CMTM8: variants seen among roughly 807,000 people sequenced by gnomAD.
CMTM8 encodes CKLF-like MARVEL transmembrane domain-containing protein 8.
Under a neutral mutation model 18.6 loss-of-function variants are expected in CMTM8, and 12 were observed. The ratio of observed to expected loss-of-function variants is 0.65; its 90% CI spans 0.41 to 1.05. The LOEUF is 1.05. Among genes scored for constraint, CMTM8 ranks in the 50% least tolerant of loss-of-function variants. The pLI, the probability that CMTM8 is intolerant of heterozygous loss-of-function variation, is 0.00. For missense variants in CMTM8, 217 were observed against 227.2 expected (o/e 0.95, Z 0.29); for synonymous variants, 87 against 90.6 (o/e 0.96, Z 0.23).
chr3:32,309,019 G>A (rs1315005208), intron 1 of CMTM8, among the ~76,000 whole-genome samples: 1 of 152,164 alleles, frequency 6.6e-6, no homozygotes. Flanking sequence ...TATGAGGTTG[G>A]GAGAATCAGG....
intron 1 of CMTM8, chr3:32,259,219 T>G: frequency 1.8e-6 from 1 of 550,978 alleles, no homozygotes; most frequent in Non-Finnish European, 3.4e-6. Flanking sequence ...CCTGAACGAC[T>G]GCCTGGCCTC....
intron 1 of CMTM8, among the ~76,000 whole-genome samples, chr3:32,315,192 C>T (rs558374739): frequency 8.6e-5 from 13 of 151,360 alleles, no homozygotes; most frequent in Admixed American, 3.3e-4. Flanking sequence ...TGCAGTGGCA[C>T]GATCTCAGCT....
chr3:32,267,294 C>T (rs550135470), intron 1 of CMTM8, among the ~76,000 whole-genome samples: 1 of 152,064 alleles, frequency 6.6e-6, no homozygotes, highest in Non-Finnish European at 1.5e-5. Context: ...AGAAATAATG[C>T]CACACATCTA....
chr3:32,354,901 T>C (rs1200192255), intron 1 of CMTM8, among the ~76,000 whole-genome samples: 1 of 152,242 alleles, frequency 6.6e-6, no homozygotes, highest in Non-Finnish European at 1.5e-5. Context: ...TTTCTGGAAT[T>C]ATATCCCATT....
intron 1 of CMTM8, among the ~76,000 whole-genome samples, chr3:32,341,706 CT>C (rs906100133): frequency 2.4e-4 from 35 of 146,800 alleles, no homozygotes; most frequent in African/African-American, 8.3e-4. Flanking sequence ...GCGAAACCCC[CT>C]CTCTAATAAA....
chr3:32,313,708 G>A (rs945616179), intron 1 of CMTM8, among the ~76,000 whole-genome samples: 6 of 152,278 alleles, frequency 3.9e-5, no homozygotes, highest in East Asian at 1.9e-4. Context: ...TCTGGAATCC[G>A]TGTTTAGCAA....
chr3:32,259,502 A>G (rs182357608), intron 1 of CMTM8: 3 of 780,350 alleles, frequency 3.8e-6, no homozygotes, highest in South Asian at 1.3e-5. Flanking sequence ...CTTCAAGGTC[A>G]TTGATGACAC....
intron 1 of CMTM8, among the ~76,000 whole-genome samples, chr3:32,318,780 G>C (rs1347715230): frequency 6.6e-6 from 1 of 150,664 alleles, no homozygotes; most frequent in Non-Finnish European, 1.5e-5. Flanking sequence ...TGTTAGCCAG[G>C]ATGGTCTCGA....
intron 1 of CMTM8, among the ~76,000 whole-genome samples, chr3:32,350,087 C>T (rs148419475): frequency 6.8e-4 from 103 of 152,242 alleles, no homozygotes; most frequent in Non-Finnish European, 1.2e-3. Flanking sequence ...TAAACTTTCA[C>T]ACTAATGACA....
chr3:32,368,067 C>A, intron 3 of CMTM8, 79 bp downstream of exon 3: 1 of 1,004,736 alleles, frequency 1.0e-6, no homozygotes, highest in Non-Finnish European at 1.6e-6. Context: ...ACAGAGTCAT[C>A]TGCAGGAAAA....
intron 2 of CMTM8, among the ~76,000 whole-genome samples, chr3:32,357,938 C>T (rs964767051): frequency 6.6e-6 from 1 of 152,202 alleles, no homozygotes; most frequent in Non-Finnish European, 1.5e-5. Flanking sequence ...GGGCTGTGGC[C>T]TTAACCCTTT....
intron 1 of CMTM8, among the ~76,000 whole-genome samples, chr3:32,303,527 A>C (rs1695663538): frequency 6.6e-6 from 1 of 152,224 alleles, no homozygotes; most frequent in Non-Finnish European, 1.5e-5. Flanking sequence ...AATTTGAGGC[A>C]GGAAATACTG....
intron 1 of CMTM8, among the ~76,000 whole-genome samples, chr3:32,302,342 C>A (rs190911345): frequency 1.4e-4 from 22 of 152,224 alleles, no homozygotes; most frequent in Admixed American, 3.3e-4. Flanking sequence ...GAAGTTAATT[C>A]TTTATTGGAA....
chr3:32,280,877 A>G (rs954510433), intron 1 of CMTM8, among the ~76,000 whole-genome samples: 1 of 149,560 alleles, frequency 6.7e-6, no homozygotes, highest in African/African-American at 2.5e-5. Context: ...AAAAGTGACA[A>G]TTATATTTGG....
chr3:32,369,965 T>C lies in CMTM8; in HGVS notation c.520T>C (p.Ter174ArgextTer17). The C allele has an allele frequency of 6.4e-7, 1 of 1,554,924 alleles. No individual in the cohort carries two copies. The highest frequency in any genetic ancestry group is 8.8e-7 in the Non-Finnish European group (1 of 1,137,360). Reference sequence around the variant, plus strand: ...AGCATGGAGATCCAGGACCATACAGTGATTTACCATTTTGATAATTAAAAG... The same window carrying C: ...AGCATGGAGATCCAGGACCATACAGCGATTTACCATTTTGATAATTAAAAG... ...FIAWRSRTIQ[*>R] Residue 174 changes from the stop codon to arginine (R), a stop_lost, in exon 4 of 4, where the codon TGA (stop) becomes CGA (arginine). Coordinates refer to ENST00000307526, the MANE Select transcript of CMTM8 (RefSeq NM_178868.5).
At chr3:32,318,082 T>C (rs1318096466) in intron 1 of CMTM8, among the ~76,000 whole-genome samples, 2 of 137,592 alleles carry the variant, frequency 1.5e-5, no homozygotes, top group South Asian at 2.3e-4. Flanking sequence ...AAAAAAAGAA[T>C]GCGTTCTAAG....
At chr3:32,298,051 A>G (rs1448999583) in intron 1 of CMTM8, among the ~76,000 whole-genome samples, 1 of 150,094 alleles carries the variant, frequency 6.7e-6, no homozygotes, top group East Asian at 1.9e-4. Context: ...TAATCTCTTA[A>G]CTAAAAACTT....
intron 1 of CMTM8, among the ~76,000 whole-genome samples, chr3:32,260,549 G>A (rs1281050474): frequency 6.6e-6 from 1 of 151,970 alleles, no homozygotes; most frequent in African/African-American, 2.4e-5. Flanking sequence ...ATGTGCTTGG[G>A]TTCAACTGTA....
At chr3:32,357,298 C>G in intron 1 of CMTM8, 75 bp from the exon 2 acceptor site, 43 of 1,000,836 alleles carry the variant, frequency 4.3e-5, no homozygotes, top group Non-Finnish European at 5.8e-5. Flanking sequence ...ATTTTTTTTT[C>G]TTTGTCCCTC....
Sources: gnomAD v4.1 joint callset for allele counts (sites outside exome capture counted in the v4.1 genomes callset) on GRCh38, gnomAD v4.1.1 for gene constraint, MANE v1.5 for transcripts, NCBI Gene and HGNC (gene_info 2026-07-23, HGNC 2026-07-21) for gene names.